MAD1L1: variants seen among roughly 807,000 people sequenced by gnomAD.
The protein encoded by MAD1L1 is mitotic arrest deficient 1 like 1.
MAD1L1 carries 95 observed loss-of-function variants against 96.9 expected under a neutral mutation model. The ratio of observed to expected loss-of-function variants is 0.98; its 90% confidence interval spans 0.83 to 1.16. The LOEUF (loss-of-function observed/expected upper bound fraction) is 1.16, where lower values mean the gene tolerates loss of function less well. Among genes scored for constraint, MAD1L1 ranks in the 50% most tolerant of loss-of-function variants. The pLI is 0.00. For missense variants in MAD1L1, 1,007 were observed against 954.4 expected, an observed-to-expected ratio of 1.06 and a Z score of -0.73; for synonymous variants, 473 against 396.6, an observed-to-expected ratio of 1.19 and a Z score of -2.29.
intron 10 of MAD1L1, among the ~76,000 whole-genome samples, chr7:2,177,807 A>T (rs1284781706): frequency 6.6e-6 from 1 of 152,224 alleles, no homozygotes; most frequent in Non-Finnish European, 1.5e-5. Context: ...ATAAACTCAC[A>T]GGCCAGAGTT....
At chr7:1,942,440 C>G (rs142267264) in intron 16 of MAD1L1, among the ~76,000 whole-genome samples, 1 of 152,204 alleles carries the variant, frequency 6.6e-6, no homozygotes, top group Non-Finnish European at 1.5e-5. Flanking sequence ...CCTCGGAGCC[C>G]GCGCGCCACA....
intron 10 of MAD1L1, 102 bp from the exon 11 acceptor site, chr7:2,149,340 C>G (rs1027672945): frequency 2.2e-6 from 2 of 894,296 alleles, no homozygotes; most frequent in Non-Finnish European, 3.7e-6. Context: ...GTAGCTGATG[C>G]TCTGGGACCC....
intron 18 of MAD1L1, among the ~76,000 whole-genome samples, chr7:1,867,683 C>A (rs528581260): frequency 6.6e-6 from 1 of 152,176 alleles, no homozygotes; most frequent in East Asian, 1.9e-4. Flanking sequence ...AGAAGGGCCA[C>A]GCTTCCTGGC....
At position 2,061,240 on chromosome 7, in the gene MAD1L1, G is replaced by A. The variant is rs945432783; in HGVS notation, c.1218+7954C>T. Among the ~76,000 whole-genome samples, 12 of 152,320 alleles carry A rather than the reference G, an allele frequency of 7.9e-5. No homozygotes were observed. In the East Asian group the frequency reaches 2.1e-3, roughly 27 times the overall value. ...TAGTCCCAGCTACTCATGAGGCTGA[G>A]GCAGGAGAATTGCTTGAACCCGGGA... is the stretch of plus-strand genomic sequence containing the variant. On this transcript the variant is annotated intron_variant, in intron 12 of 18. Transcript: ENST00000265854.
chr7:2,045,152 C>T (rs1783864850), intron 12 of MAD1L1, among the ~76,000 whole-genome samples: 1 of 152,080 alleles, frequency 6.6e-6, no homozygotes. Flanking sequence ...GCTCCGGCCT[C>T]CCACCCGGCC....
At chr7:1,954,032 C>T (rs1298140461) in intron 16 of MAD1L1, among the ~76,000 whole-genome samples, 1 of 152,060 alleles carries the variant, frequency 6.6e-6, no homozygotes, top group East Asian at 1.9e-4. Flanking sequence ...ACTGTGTGTC[C>T]TGCCCCGTAG....
intron 11 of MAD1L1, among the ~76,000 whole-genome samples, chr7:2,110,096 C>A (rs1257727203): frequency 6.6e-6 from 1 of 152,266 alleles, no homozygotes; most frequent in African/African-American, 2.4e-5. Context: ...GTTTATTAAA[C>A]CACAGCCGAT....
intron 12 of MAD1L1, among the ~76,000 whole-genome samples, chr7:2,057,522 C>A (rs1433941646): frequency 6.6e-6 from 1 of 151,064 alleles, no homozygotes; most frequent in Non-Finnish European, 1.5e-5. Flanking sequence ...CCCCCCACCG[C>A]CCCCCCAAAA....
intron 12 of MAD1L1, among the ~76,000 whole-genome samples, chr7:2,041,289 C>A (rs561892961): frequency 6.6e-6 from 1 of 152,314 alleles, no homozygotes; most frequent in South Asian, 2.1e-4. Context: ...CCTCCTACAG[C>A]TCTGGGATGT....
intron 10 of MAD1L1, among the ~76,000 whole-genome samples, chr7:2,174,487 G>A (rs1164447004): frequency 6.6e-6 from 1 of 152,142 alleles, no homozygotes; most frequent in Non-Finnish European, 1.5e-5. Context: ...GCTCAAGAGA[G>A]GGTTTTTCAA....
At chr7:1,925,982 C>T (rs948452539) in intron 17 of MAD1L1, among the ~76,000 whole-genome samples, 2 of 150,862 alleles carry the variant, frequency 1.3e-5, no homozygotes, top group Non-Finnish European at 2.9e-5. Flanking sequence ...CTAAGGAGAT[C>T]AGTGAAATTT....
At chr7:1,889,216 G>A (rs1286562784) in intron 18 of MAD1L1, among the ~76,000 whole-genome samples, 1 of 152,210 alleles carries the variant, frequency 6.6e-6, no homozygotes, top group Non-Finnish European at 1.5e-5. Flanking sequence ...TCCACACCAA[G>A]GCAGTTCTGG....
At chr7:1,876,340 G>A (rs1364552993) in intron 18 of MAD1L1, among the ~76,000 whole-genome samples, 1 of 151,836 alleles carries the variant, frequency 6.6e-6, no homozygotes, top group African/African-American at 2.4e-5. Context: ...TCCAACACCA[G>A]GTGCTTTGTC....
rs1035952583 is a variant in MAD1L1 at position 1,957,559 on chromosome 7, G to A, written c.1596+70C>T. ...GGTGTTCTGTGGCAGCAGGAACCAC[G>A]GTCGTTCACGACGCCCAAAGAAATG... On this transcript the variant is annotated intron_variant, in intron 16 of 18. Coordinates refer to ENST00000265854, the MANE Select transcript of MAD1L1 (RefSeq NM_001013836.2). The A allele has an allele frequency of 2.4e-5, 36 of 1,472,700 alleles. 1 individual carries two copies. The highest frequency in any genetic ancestry group is 1.9e-4 in the African/African-American group (14 of 71,870). 91.2% of individuals were successfully genotyped at this position (1,472,700 alleles called of 1,614,324 possible).
chr7:1,865,374 T>TGCCAGCCCCGGG (rs1385783960), intron 18 of MAD1L1, among the ~76,000 whole-genome samples: 1 of 152,194 alleles, frequency 6.6e-6, no homozygotes, highest in Non-Finnish European at 1.5e-5. Flanking sequence ...CCAGGCCTGG[T>TGCCAGCCCCGGG]GCCAGCCCCG....
chr7:2,074,650 GC>G (rs1298572209), intron 11 of MAD1L1, among the ~76,000 whole-genome samples: 5 of 152,232 alleles, frequency 3.3e-5, no homozygotes, highest in Admixed American at 3.3e-4. Flanking sequence ...CCTCTCCAGC[GC>G]CCCCAGGACA....
intron 16 of MAD1L1, among the ~76,000 whole-genome samples, chr7:1,946,193 G>A (rs969693410): frequency 1.3e-5 from 2 of 152,222 alleles, no homozygotes; most frequent in Admixed American, 6.5e-5. Flanking sequence ...CTGGCAGGAC[G>A]CCTCCTGCTC....
chr7:1,876,743 G>A (rs1785404683), intron 18 of MAD1L1, among the ~76,000 whole-genome samples: 1 of 150,442 alleles, frequency 6.6e-6, no homozygotes, highest in Admixed American at 6.7e-5. Context: ...TCAAAACCTA[G>A]GCTCTGGAAG....
At chr7:1,910,743 G>T (rs1787963278) in intron 17 of MAD1L1, among the ~76,000 whole-genome samples, 1 of 152,190 alleles carries the variant, frequency 6.6e-6, no homozygotes, top group Non-Finnish European at 1.5e-5. Context: ...GTAGGTGCCT[G>T]TCCGGGGCAG....
Sources: allele counts gnomAD v4.1 joint callset (sites outside exome capture counted in the v4.1 genomes callset), GRCh38; gene constraint gnomAD v4.1.1; transcripts MANE v1.5; gene names NCBI Gene and HGNC (gene_info 2026-07-23, HGNC 2026-07-21).